The following PXT1 variants were observed in gnomAD, a reference collection of about 807,000 sequenced individuals.
The protein encoded by PXT1 is peroxisomal testis enriched protein 1, also known as peroxisomal testis-specific protein 1.
PXT1 carries 11 observed loss-of-function variants against 11.0 expected under a neutral mutation model. The ratio of observed to expected loss-of-function variants is 1.00; its 90% CI spans 0.63 to 1.66. The LOEUF (loss-of-function observed/expected upper bound fraction) is 1.66. PXT1 is among the 40% of genes most tolerant of loss of function. The pLI, the probability that PXT1 is intolerant of heterozygous loss-of-function variation, is 0.00. For missense variants in PXT1, 141 were observed against 155.5 expected, an observed-to-expected ratio of 0.91 and a Z score of 0.49; for synonymous variants, 43 against 51.4, an observed-to-expected ratio of 0.84 and a Z score of 0.70.
intron 3 of PXT1, among the ~76,000 whole-genome samples, chr6:36,419,411 A>G (rs1282298146): frequency 6.6e-6 from 1 of 152,238 alleles, no homozygotes; most frequent in Non-Finnish European, 1.5e-5. Context: ...TGAAGGAGCT[A>G]CAAGGAAACC....
At chr6:36,396,524 G>A (rs1774146604) in intron 4 of PXT1, among the ~76,000 whole-genome samples, 1 of 152,192 alleles carries the variant, frequency 6.6e-6, no homozygotes, top group Non-Finnish European at 1.5e-5. Flanking sequence ...CATGGCGCCG[G>A]AGGCAGATTG....
intron 3 of PXT1, among the ~76,000 whole-genome samples, chr6:36,404,561 A>G (rs757589525): frequency 3.3e-5 from 5 of 152,016 alleles, no homozygotes; most frequent in Non-Finnish European, 5.9e-5. Flanking sequence ...AGCTCAAACA[A>G]TTCACCTGCC....
intron 4 of PXT1, among the ~76,000 whole-genome samples, chr6:36,396,523 G>A (rs137885086): frequency 2.6e-5 from 4 of 152,350 alleles, no homozygotes; most frequent in African/African-American, 7.2e-5. Flanking sequence ...GCATGGCGCC[G>A]GAGGCAGATT....
intron 3 of PXT1, among the ~76,000 whole-genome samples, chr6:36,402,085 G>A (rs894521318): frequency 6.6e-6 from 1 of 151,804 alleles, no homozygotes; most frequent in African/African-American, 2.4e-5. Flanking sequence ...CCAAAGTACT[G>A]GGATTATAGG....
At chr6:36,409,134 G>T (rs535107736) in intron 3 of PXT1, among the ~76,000 whole-genome samples, 20 of 152,118 alleles carry the variant, frequency 1.3e-4, no homozygotes, top group Non-Finnish European at 2.1e-4. Flanking sequence ...AAAAATAGGG[G>T]TCTAGGGGCT....
intron 3 of PXT1, among the ~76,000 whole-genome samples, chr6:36,417,959 G>A (rs1450845345): frequency 6.6e-6 from 1 of 152,080 alleles, no homozygotes; most frequent in Non-Finnish European, 1.5e-5. Flanking sequence ...CACTCTGGGA[G>A]GCTGAGGCGG....
chr6:36,403,358 T>A (rs1774241062), intron 3 of PXT1, among the ~76,000 whole-genome samples: 1 of 152,220 alleles, frequency 6.6e-6, no homozygotes. Flanking sequence ...CTAATAGGGA[T>A]GTAATAGTGG....
At chr6:36,394,230 C>G (rs753978717) in intron 4 of PXT1, among the ~76,000 whole-genome samples, 11 of 152,148 alleles carry the variant, frequency 7.2e-5, no homozygotes, top group Non-Finnish European at 1.2e-4. Context: ...AGCTAAGTGA[C>G]CTTTGATAAG....
intron 3 of PXT1, among the ~76,000 whole-genome samples, chr6:36,417,591 C>CAA (rs70975157): frequency 0.02 from 1,965 of 99,524 alleles, 83 homozygotes; most frequent in African/African-American, 0.069. Flanking sequence ...TTCGTCTCTA[C>CAA]AAAAAAAAAA....
chr6:36,397,696 C>A (rs1265045681), intron 4 of PXT1, among the ~76,000 whole-genome samples: 1 of 152,016 alleles, frequency 6.6e-6, no homozygotes, highest in Non-Finnish European at 1.5e-5. Context: ...AAAGGACAAC[C>A]TACAGAATGG....
At chr6:36,424,639 A>C (rs1774576557) in intron 3 of PXT1, among the ~76,000 whole-genome samples, 1 of 152,192 alleles carries the variant, frequency 6.6e-6, no homozygotes, top group South Asian at 2.1e-4. Context: ...ACTCCGTCTC[A>C]AAAAAACAAA....
In PXT1 at chr6:36,432,294, A is replaced by G. The variant is rs576026850; in HGVS notation, c.-9-6203T>C. The stretch of plus-strand genomic sequence containing the variant: ...ACACCAAATGCAAAAGCCCAAAGGT[A>G]GTAAAGAATTCAAGGCATGTAAAGA... On this transcript the variant is annotated intron_variant, in intron 2 of 4. Coordinates refer to ENST00000454782, the MANE Select transcript of PXT1 (RefSeq NM_152990.4). Among the ~76,000 whole-genome samples, 6 of 152,304 alleles carry G rather than the reference A, an allele frequency of 3.9e-5. No homozygotes were observed. The South Asian group carries it at 1.2e-3, about 32-fold the overall frequency.
chr6:36,426,173 C>T, intron 2 of PXT1, 82 bp from the exon 3 acceptor site: 1 of 856,624 alleles, frequency 1.2e-6, no homozygotes, highest in Non-Finnish European at 1.7e-6. Context: ...AATGTTTTAA[C>T]AATATCAGCA....
chr6:36,425,548 GC>G (rs908241586), intron 3 of PXT1, among the ~76,000 whole-genome samples: 3 of 151,998 alleles, frequency 2.0e-5, no homozygotes, highest in African/African-American at 7.2e-5. Context: ...ACTTTGGGAG[GC>G]CTATGAGGGG....
intron 3 of PXT1, among the ~76,000 whole-genome samples, chr6:36,421,187 A>T (rs1774520698): frequency 6.6e-6 from 1 of 152,160 alleles, no homozygotes. Flanking sequence ...AAAAAAACCA[A>T]GGCCAGGTGT....
Sources: gnomAD v4.1 joint callset for allele counts (sites outside exome capture counted in the v4.1 genomes callset) on GRCh38, gnomAD v4.1.1 for gene constraint, MANE v1.5 for transcripts, NCBI Gene and HGNC (gene_info 2026-07-23, HGNC 2026-07-21) for gene names.